Variants in DGKI observed in about 807,000 individuals in gnomAD.
DGKI encodes DAG kinase iota.
Under a neutral mutation model 147.5 loss-of-function variants are expected in DGKI, and 55 were observed. The observed-to-expected ratio is 0.37, with a 90% CI of 0.30 to 0.47. The LOEUF is 0.47. Ranked by LOEUF, DGKI falls within the 20% of genes least tolerant of loss-of-function variation. The probability of loss-of-function intolerance (pLI) is 1.00; values close to 1 mark genes in which losing one functional copy is unlikely to be tolerated. For synonymous variants in DGKI, 469 were observed against 477.1 expected (o/e 0.98, Z 0.22); for missense variants, 1,007 against 1,323.8 (o/e 0.76, Z 3.71).
chr7:137,462,839 G>A lies in DGKI; in HGVS notation c.2735+650C>T, dbSNP rs112749674. On this transcript the variant is annotated intron_variant, in intron 27 of 32. Transcript: ENST00000614521. Reference sequence around the variant, plus strand: ...ATCTGTCACCAGAGGAGATGATAGGGAGGTGGATTCACCGAGCACAAAGGT... The same window carrying A: ...ATCTGTCACCAGAGGAGATGATAGGAAGGTGGATTCACCGAGCACAAAGGT... Among the ~76,000 whole-genome samples the A allele has an allele frequency of 7.6e-4, 115 of 152,310 alleles. 1 individual carries two copies. The highest frequency in any genetic ancestry group is 2.0e-3 in the African/African-American group (82 of 41,560).
At chr7:137,435,497 G>A (rs1247853967) in intron 28 of DGKI, among the ~76,000 whole-genome samples, 4 of 152,060 alleles carry the variant, frequency 2.6e-5, no homozygotes, top group Non-Finnish European at 5.9e-5. Flanking sequence ...AGAAAGGCGA[G>A]GTCTAGAGAG....
chr7:137,501,907 T>C (rs771358623), intron 21 of DGKI, among the ~76,000 whole-genome samples: 9 of 152,112 alleles, frequency 5.9e-5, no homozygotes, highest in Non-Finnish European at 1.3e-4. Flanking sequence ...GGGAGATGAA[T>C]GAATCATGGG....
rs766460317 is a variant in DGKI, at chr7:137,526,331, C to T, written c.2148-4365G>A. ...GGCTTCCATGGAACATCTCAAACTC[C>T]CTAGAAGGGATTTAGCAGTCTGTGA... is the stretch of plus-strand genomic sequence containing the variant. On this transcript the variant is annotated intron_variant, in intron 20 of 32. Coordinates refer to ENST00000614521, the MANE Select transcript of DGKI (RefSeq NM_001321708.2). Among the ~76,000 whole-genome samples, 70 of 151,858 alleles carry T rather than the reference C, an allele frequency of 4.6e-4. 1 individual carries two copies. The Middle Eastern group carries it at 0.031, about 66-fold the overall frequency.
At chr7:137,696,959 A>G (rs968550476) in intron 1 of DGKI, among the ~76,000 whole-genome samples, 3 of 152,196 alleles carry the variant, frequency 2.0e-5, no homozygotes, top group Admixed American at 6.5e-5. Flanking sequence ...GTGAAGATGA[A>G]GGCAGAGATC....
At chr7:137,691,839 A>G (rs929801057) in intron 1 of DGKI, among the ~76,000 whole-genome samples, 3 of 81,096 alleles carry the variant, frequency 3.7e-5, no homozygotes, top group Non-Finnish European at 4.7e-5. Flanking sequence ...TTGTATTCCT[A>G]TACAGGAAGT....
At chr7:137,488,955 A>T (rs1446827770) in intron 21 of DGKI, among the ~76,000 whole-genome samples, 1 of 152,152 alleles carries the variant, frequency 6.6e-6, no homozygotes, top group Non-Finnish European at 1.5e-5. Context: ...TCTGAAGAAC[A>T]TGAAGCCTCA....
chr7:137,704,800 C>T (rs76025525), intron 1 of DGKI, among the ~76,000 whole-genome samples: 1,828 of 152,202 alleles, frequency 0.012, 45 homozygotes, highest in African/African-American at 0.042. Flanking sequence ...TGCAAGGCAT[C>T]CTTCATACTA....
intron 1 of DGKI, among the ~76,000 whole-genome samples, chr7:137,789,699 A>G (rs1460314771): frequency 6.6e-6 from 1 of 152,220 alleles, no homozygotes; most frequent in African/African-American, 2.4e-5. Flanking sequence ...ACTTGCCTGG[A>G]CAAGAACCAC....
chr7:137,544,962 A>T (rs796717351), intron 20 of DGKI, among the ~76,000 whole-genome samples: 90 of 152,348 alleles, frequency 5.9e-4, no homozygotes, highest in African/African-American at 1.9e-3. Context: ...TGGAAAGGTA[A>T]TCATTCAAGT....
intron 23 of DGKI, among the ~76,000 whole-genome samples, chr7:137,472,288 GTATGTGTATATTTATGTGTA>G (rs1814962926): frequency 4.2e-5 from 1 of 23,628 alleles, no homozygotes; most frequent in African/African-American, 1.1e-4. Flanking sequence ...AATATTATAT[GTATGTGTATATTTATGTGTA>G]TATACATATA....
intron 23 of DGKI, among the ~76,000 whole-genome samples, chr7:137,473,121 G>T (rs1369573071): frequency 6.6e-6 from 1 of 152,070 alleles, no homozygotes; most frequent in Non-Finnish European, 1.5e-5. Flanking sequence ...CTTTTTATGT[G>T]CAGGTGGCTG....
intron 28 of DGKI, among the ~76,000 whole-genome samples, chr7:137,435,346 GTT>G (rs1813239911): frequency 6.6e-6 from 1 of 152,160 alleles, no homozygotes; most frequent in Non-Finnish European, 1.5e-5. Context: ...ATTCATCTTT[GTT>G]TGTCCTTAGC....
At chr7:137,596,501 C>G (rs921612231) in intron 12 of DGKI, among the ~76,000 whole-genome samples, 2 of 152,132 alleles carry the variant, frequency 1.3e-5, no homozygotes, top group African/African-American at 2.4e-5. Flanking sequence ...TTAAATTGAT[C>G]TCCCTAGAAC....
chr7:137,778,353 AG>A (rs1796420912), intron 1 of DGKI, among the ~76,000 whole-genome samples: 1 of 152,176 alleles, frequency 6.6e-6, no homozygotes, highest in Non-Finnish European at 1.5e-5. Flanking sequence ...ATAAGTGAGG[AG>A]GAATCTAAAA....
chr7:137,582,856 C>T (rs561441729), intron 14 of DGKI, among the ~76,000 whole-genome samples: 7 of 152,222 alleles, frequency 4.6e-5, no homozygotes, highest in Middle Eastern at 3.4e-3. Context: ...TTTCCTTCTG[C>T]GACTCAAGTG....
In DGKI at chr7:137,638,707, CATAG is replaced by C. The variant is rs200886291; in HGVS notation, c.804+6761_804+6764del. Among the ~76,000 whole-genome samples the C allele has an allele frequency of 0.011, 1,542 of 141,588 alleles. 117 individuals carry two copies. The East Asian group carries it at 0.19, about 17-fold the overall frequency. 92.9% of individuals were successfully genotyped at this position (141,588 alleles called of 152,430 possible). On this transcript the variant is annotated intron_variant, in intron 6 of 32. Coordinates refer to ENST00000614521, the MANE Select transcript of DGKI (RefSeq NM_001321708.2). ...GTACACACAGATACATATGTACGCACATAGATATACATATATACACATTACATAT... is the reference window on the plus strand; with the variant it reads ...GTACACACAGATACATATGTACGCACATATACATATATACACATTACATAT...
intron 15 of DGKI, among the ~76,000 whole-genome samples, chr7:137,580,855 C>T (rs1440002603): frequency 6.6e-6 from 1 of 152,054 alleles, no homozygotes; most frequent in African/African-American, 2.4e-5. Flanking sequence ...CACTTCCTTT[C>T]TTACATAACC....
intron 1 of DGKI, among the ~76,000 whole-genome samples, chr7:137,833,593 T>C (rs1295145872): frequency 6.6e-6 from 1 of 152,166 alleles, no homozygotes; most frequent in Admixed American, 6.5e-5. Flanking sequence ...TCACAACCTA[T>C]GCTTTGAATA....
At chr7:137,825,672 TCACACACA>T (rs1171484662) in intron 1 of DGKI, among the ~76,000 whole-genome samples, 3 of 148,676 alleles carry the variant, frequency 2.0e-5, no homozygotes, top group Non-Finnish European at 3.0e-5. Flanking sequence ...ATACACACAC[TCACACACA>T]CACATACACA....
Sources: allele counts gnomAD v4.1 joint callset (sites outside exome capture counted in the v4.1 genomes callset), GRCh38; gene constraint gnomAD v4.1.1; transcripts MANE v1.5; gene names NCBI Gene and HGNC (gene_info 2026-07-23, HGNC 2026-07-21).